ADARB1: variants seen among roughly 807,000 people sequenced by gnomAD.
The protein encoded by ADARB1 is adenosine deaminase RNA specific B1.
Under a neutral mutation model 52.4 loss-of-function variants are expected in ADARB1, and 10 were observed. That is an observed-to-expected ratio of 0.19 (90% CI 0.12 to 0.32). ADARB1 has a LOEUF of 0.32. ADARB1 is among the 10% of genes least tolerant of loss of function. The pLI is 1.00. For missense variants in ADARB1, 643 were observed against 922.3 expected, an observed-to-expected ratio of 0.70 and a Z score of 3.92; for synonymous variants, 349 against 371.1, an observed-to-expected ratio of 0.94 and a Z score of 0.68.
At chr21:45,213,409 G>A (rs1006208977) in intron 9 of ADARB1, among the ~76,000 whole-genome samples, 6 of 151,898 alleles carry the variant, frequency 4.0e-5, no homozygotes, top group African/African-American at 1.4e-4. Context: ...GGTATAATTG[G>A]CATATGATAA....
chr21:45,107,745 C>T (rs2087322016), intron 1 of ADARB1, among the ~76,000 whole-genome samples: 1 of 152,168 alleles, frequency 6.6e-6, no homozygotes, highest in Non-Finnish European at 1.5e-5. Context: ...CAATGTTAGA[C>T]ACAAACATGG....
chr21:45,208,989 C>G lies in ADARB1; in HGVS notation c.1747+4253C>G, dbSNP rs1601991545. ...GCTGGACCGATTAAATTGTCTTTCC[C>G]CTTTCTTCCGACTGGTGGGAAGTTC... On this transcript the variant is annotated intron_variant, in intron 9 of 10. Transcript: ENST00000348831. The surrounding 1 kb of genome is among the most constrained non-coding windows in gnomAD (Gnocchi z 5.6). Among the ~76,000 whole-genome samples the G allele has an allele frequency of 6.6e-6, 1 of 152,118 alleles. No homozygotes were observed. Among genetic ancestry groups the G allele is most frequent in the African/African-American group, 2.4e-5 (1 of 41,404 alleles).
At chr21:45,115,689 G>T (rs765575507) in intron 1 of ADARB1, among the ~76,000 whole-genome samples, 2 of 152,112 alleles carry the variant, frequency 1.3e-5, no homozygotes, top group Non-Finnish European at 2.9e-5. Context: ...TTTAAAATTT[G>T]TGTCCATTAA....
chr21:45,195,217 C>A (rs907959304), intron 8 of ADARB1, among the ~76,000 whole-genome samples: 1 of 151,852 alleles, frequency 6.6e-6, no homozygotes, highest in African/African-American at 2.4e-5. Flanking sequence ...AATGACGTGT[C>A]TGTTAAATTT....
chr21:45,085,818 G>A (rs370300372), intron 1 of ADARB1, among the ~76,000 whole-genome samples: 22 of 152,314 alleles, frequency 1.4e-4, no homozygotes, highest in African/African-American at 4.8e-4. Flanking sequence ...ACACAGAAAA[G>A]GCTGGTGTCA....
At chr21:45,202,906 A>G (rs375676947) in intron 8 of ADARB1, among the ~76,000 whole-genome samples, 186 of 147,156 alleles carry the variant, frequency 1.3e-3, no homozygotes, top group African/African-American at 4.6e-3. Flanking sequence ...CGCATGCCAC[A>G]CTGTGCTGAG....
chr21:45,199,958 T>A (rs533106690), intron 8 of ADARB1, among the ~76,000 whole-genome samples: 43 of 152,156 alleles, frequency 2.8e-4, no homozygotes, highest in Non-Finnish European at 4.3e-4. Flanking sequence ...TAATTAGACT[T>A]TACCTCAAGG....
At chr21:45,149,580 G>A (rs2090179717) in intron 2 of ADARB1, among the ~76,000 whole-genome samples, 1 of 152,170 alleles carries the variant, frequency 6.6e-6, no homozygotes, top group African/African-American at 2.4e-5. Flanking sequence ...ATTAATGTTG[G>A]CAAAATATCA....
intron 2 of ADARB1, among the ~76,000 whole-genome samples, chr21:45,162,061 C>T (rs1245906560): frequency 6.6e-6 from 1 of 152,190 alleles, no homozygotes; most frequent in Non-Finnish European, 1.5e-5. Context: ...GTAACACAAA[C>T]AGGGCTGAAA....
chr21:45,123,020 A>G (rs2088296962), intron 1 of ADARB1, among the ~76,000 whole-genome samples: 1 of 152,132 alleles, frequency 6.6e-6, no homozygotes, highest in African/African-American at 2.4e-5. Context: ...ATTGTTATTG[A>G]TAGTATTGTA....
intron 1 of ADARB1, among the ~76,000 whole-genome samples, chr21:45,093,074 A>G (rs1417193456): frequency 6.6e-6 from 1 of 151,996 alleles, no homozygotes; most frequent in Non-Finnish European, 1.5e-5. Flanking sequence ...ACCCCCAAAT[A>G]TTCACACAAT....
chr21:45,116,469 T>G (rs1050636837), intron 1 of ADARB1, among the ~76,000 whole-genome samples: 2 of 152,274 alleles, frequency 1.3e-5, no homozygotes, highest in Non-Finnish European at 2.9e-5. Context: ...TTAGTCCCTT[T>G]GCATAGAAGC....
At chr21:45,148,939 T>C (rs529039414) in intron 2 of ADARB1, among the ~76,000 whole-genome samples, 31 of 152,332 alleles carry the variant, frequency 2.0e-4, no homozygotes, top group African/African-American at 6.7e-4. Context: ...CTCTCTCCTG[T>C]CTTCCTCACC....
At chr21:45,116,905 T>C (rs1188425065) in intron 1 of ADARB1, 1 of 152,012 alleles carries the variant, frequency 6.6e-6, no homozygotes, top group Non-Finnish European at 1.5e-5. Flanking sequence ...TCTTTTTTCA[T>C]GTATATGTTT....
intron 2 of ADARB1, among the ~76,000 whole-genome samples, chr21:45,133,394 C>T (rs930464552): frequency 6.6e-6 from 1 of 152,254 alleles, no homozygotes. Context: ...TCTTCCTTTC[C>T]TCTCTGACTT....
chr21:45,097,943 C>A (rs1169472375), intron 1 of ADARB1, among the ~76,000 whole-genome samples: 1 of 152,154 alleles, frequency 6.6e-6, no homozygotes, highest in East Asian at 1.9e-4. Flanking sequence ...ACATCTGAAA[C>A]CAGAGCTTCA....
At chr21:45,198,255 C>T (rs1272863953) in intron 8 of ADARB1, among the ~76,000 whole-genome samples, 4 of 152,084 alleles carry the variant, frequency 2.6e-5, no homozygotes, top group African/African-American at 7.2e-5. Flanking sequence ...TGATTAAAGT[C>T]AACAGAACCG....
rs1569193513 is a variant in ADARB1 at position 45,223,461 on chromosome 21, A to G, written c.*1264A>G. On this transcript the variant is annotated 3_prime_UTR_variant, in exon 11 of 11. Coordinates refer to ENST00000348831, the MANE Select transcript of ADARB1 (RefSeq NM_001112.4). Reference sequence around the variant, plus strand: ...GGCCCTGTGTGGACCACCTCCACCAAGCTCAGAGATTTGCACCAGGTGCCT... The same window carrying G: ...GGCCCTGTGTGGACCACCTCCACCAGGCTCAGAGATTTGCACCAGGTGCCT... The G allele has an allele frequency of 2.0e-6, 2 of 985,574 alleles. No homozygotes were observed. The highest frequency in any genetic ancestry group is 2.4e-6 in the Non-Finnish European group (2 of 830,144). 61.1% of individuals were successfully genotyped at this position (985,574 alleles called of 1,614,324 possible).
intron 1 of ADARB1, among the ~76,000 whole-genome samples, chr21:45,125,597 G>A (rs1177844025): frequency 6.6e-6 from 1 of 152,240 alleles, no homozygotes; most frequent in Non-Finnish European, 1.5e-5. Context: ...CCGCCTGCTG[G>A]GACTCATTGG....
Sources: allele counts gnomAD v4.1 joint callset (sites outside exome capture counted in the v4.1 genomes callset), GRCh38; gene constraint gnomAD v4.1.1; non-coding constraint Gnocchi (gnomAD v3.1); transcripts MANE v1.5; gene names NCBI Gene and HGNC (gene_info 2026-07-23, HGNC 2026-07-21).